RGS12: variants seen among roughly 807,000 people sequenced by gnomAD.
RGS12 encodes regulator of G protein signaling 12, also known as regulator of G-protein signaling 12.
A neutral mutation model predicts 120.1 loss-of-function variants in RGS12; 66 were observed. The observed-to-expected ratio is 0.55, with a 90% CI of 0.45 to 0.67. The LOEUF is 0.67. Among genes scored for constraint, RGS12 ranks in the 30% least tolerant of loss-of-function variants. The pLI, the probability that RGS12 is intolerant of heterozygous loss-of-function variation, is 0.00. For synonymous variants in RGS12, 827 were observed against 804.7 expected, an observed-to-expected ratio of 1.03 and a Z score of -0.47; for missense variants, 1,859 against 1,957.7, an observed-to-expected ratio of 0.95 and a Z score of 0.95.
intron 13 of RGS12, among the ~76,000 whole-genome samples, chr4:3,424,272 C>G (rs1723365560): frequency 2.0e-5 from 3 of 152,252 alleles, no homozygotes; most frequent in Non-Finnish European, 4.4e-5. Context: ...TCCTTGAAAA[C>G]TTTATTGGAG....
In RGS12 at chr4:3,343,068, A is replaced by C; in HGVS notation, c.1998+15A>C. On this transcript the variant is annotated intron_variant, in intron 3 of 17. Coordinates refer to ENST00000336727, the MANE Select transcript of RGS12 (RefSeq NM_001394154.1). Reference sequence around the variant, plus strand: ...ATGATCTTGAGGTAATTTAATTTTCATTTTTCTTCTTTTCTCCTTCAAGTT... The same window carrying C: ...ATGATCTTGAGGTAATTTAATTTTCCTTTTTCTTCTTTTCTCCTTCAAGTT... 1 of 1,571,150 alleles carries C rather than the reference A, an allele frequency of 6.4e-7. No homozygotes were observed. Among genetic ancestry groups the C allele is most frequent in the African/African-American group, 1.4e-5 (1 of 73,898 alleles).
intron 3 of RGS12, among the ~76,000 whole-genome samples, chr4:3,379,542 A>G (rs1560129902): frequency 1.3e-5 from 2 of 152,218 alleles, no homozygotes; most frequent in South Asian, 4.1e-4. Flanking sequence ...TCGTGCTGCT[A>G]TGAAGAAATA....
chr4:3,400,532 C>T (rs1316214500), intron 4 of RGS12, among the ~76,000 whole-genome samples: 1 of 151,768 alleles, frequency 6.6e-6, no homozygotes, highest in Non-Finnish European at 1.5e-5. Flanking sequence ...AATAGAATTA[C>T]TGATAAAAAG....
Position 3,327,302 on chromosome 4 carries a change from A to G in RGS12, c.1881+9251A>G, listed in dbSNP as rs1725614274. Among the ~76,000 whole-genome samples, 3 of 152,232 alleles carry G rather than the reference A, an allele frequency of 2.0e-5. No individual in the cohort carries two copies. In the South Asian group the frequency reaches 6.2e-4, roughly 31 times the overall value. ...CATACACAAAATCAACTCAAGCTGG[A>G]TTAAAGACTTAAACCTGAAACTATA... On this transcript the variant is annotated intron_variant, in intron 2 of 17. Transcript: ENST00000336727.
chr4:3,352,284 A>G (rs1422595728), intron 3 of RGS12, among the ~76,000 whole-genome samples: 2 of 152,184 alleles, frequency 1.3e-5, no homozygotes, highest in Non-Finnish European at 2.9e-5. Flanking sequence ...AAGAGCTTCT[A>G]ACAAAAAATG....
intron 17 of RGS12, among the ~76,000 whole-genome samples, chr4:3,438,228 A>G (rs900865204): frequency 6.6e-5 from 10 of 152,058 alleles, no homozygotes; most frequent in Non-Finnish European, 1.2e-4. Flanking sequence ...TGGCATGGAC[A>G]TGACTGTCTC....
At chr4:3,395,137 A>G (rs557407615) in intron 4 of RGS12, among the ~76,000 whole-genome samples, 76 of 152,064 alleles carry the variant, frequency 5.0e-4, no homozygotes, top group African/African-American at 1.8e-3. Flanking sequence ...AGGTTATAGT[A>G]GGCAGAGGTT....
upstream of RGS12, among the ~76,000 whole-genome samples, chr4:3,289,494 GTGCC>G (rs1560628803): frequency 6.6e-6 from 1 of 152,120 alleles, no homozygotes; most frequent in Non-Finnish European, 1.5e-5. Context: ...ATGAGCCACC[GTGCC>G]TGGCCTACAA....
chr4:3,337,702 G>A (rs928065430), intron 2 of RGS12, among the ~76,000 whole-genome samples: 1 of 152,148 alleles, frequency 6.6e-6, no homozygotes. Context: ...GAGGGGAATG[G>A]AGAGTGCGTG....
chr4:3,331,348 A>G (rs1345966334), intron 2 of RGS12, among the ~76,000 whole-genome samples: 4 of 152,216 alleles, frequency 2.6e-5, no homozygotes, highest in Non-Finnish European at 4.4e-5. Context: ...GGGAATTTTT[A>G]TCTTGTGTTG....
At chr4:3,309,677 TCCGCTGAGGGGAACCGTGCAGG>T (rs1724228908) in intron 1 of RGS12, among the ~76,000 whole-genome samples, 1 of 108,328 alleles carries the variant, frequency 9.2e-6, no homozygotes, top group Non-Finnish European at 1.9e-5. Context: ...ATGGCAGGTG[TCCGCTGAGGGGAACCGTGCAGG>T]GGAGGAGCTG....
intron 3 of RGS12, among the ~76,000 whole-genome samples, chr4:3,348,289 C>T (rs1200173618): frequency 6.6e-6 from 1 of 152,076 alleles, no homozygotes; most frequent in Non-Finnish European, 1.5e-5. Flanking sequence ...AACAAACAAC[C>T]CACTCAAAGC....
chr4:3,391,222 A>G (rs762975771), intron 4 of RGS12, among the ~76,000 whole-genome samples: 2 of 152,232 alleles, frequency 1.3e-5, no homozygotes, highest in Non-Finnish European at 2.9e-5. Flanking sequence ...AGGGTGTGGA[A>G]TACCGTATTA....
chr4:3,368,675 G>T (rs1716641182), intron 3 of RGS12, among the ~76,000 whole-genome samples: 1 of 101,582 alleles, frequency 9.8e-6, no homozygotes, highest in East Asian at 3.5e-4. Context: ...TGTAGGGGGG[G>T]TGCCTGTGTG....
chr4:3,317,496 C>A lies in RGS12; in HGVS notation c.1326C>A (p.Asp442Glu), dbSNP rs942809091. 1.9e-6 allele frequency: 3 copies of A among 1,613,370 alleles called. No homozygotes were observed. The African/African-American group carries it at 4.0e-5, about 22-fold the overall frequency. The stretch of plus-strand genomic sequence containing the variant: ...AGAGCAACCGGGTCCTTGTGGTGGA[C>A]CTGGGTGGGAGCTCGAGCAGACACG... ...EEKSNRVLVVDLGGSSSRHGP... is the reference protein window; with the variant it reads ...EEKSNRVLVVELGGSSSRHGP... Residue 442 changes from aspartate (D) to glutamate (E), a missense_variant, in exon 2 of 18, where the codon GAC becomes GAA. Asp to Glu is a conservative substitution (Grantham distance 45). Coordinates refer to ENST00000336727, the MANE Select transcript of RGS12 (RefSeq NM_001394154.1).
intron 3 of RGS12, among the ~76,000 whole-genome samples, chr4:3,343,551 C>T (rs1713472438): frequency 6.6e-6 from 1 of 152,114 alleles, no homozygotes. Flanking sequence ...GGGATCATTA[C>T]GTCCTGCATT....
chr4:3,350,241 A>T (rs1385807946), intron 3 of RGS12, among the ~76,000 whole-genome samples: 3 of 152,268 alleles, frequency 2.0e-5, no homozygotes, highest in African/African-American at 7.2e-5. Context: ...GTCTGGATTT[A>T]TACTTTTATA....
intron 5 of RGS12, 109 bp from the exon 6 acceptor site, chr4:3,414,643 C>T (rs1577072022): frequency 1.6e-5 from 13 of 796,508 alleles, no homozygotes; most frequent in East Asian, 9.7e-5. Flanking sequence ...TCCAGGCCCT[C>T]GGGCAGCTCA....
chr4:3,359,926 C>T (rs1040922668), intron 3 of RGS12, among the ~76,000 whole-genome samples: 1 of 152,000 alleles, frequency 6.6e-6, no homozygotes, highest in African/African-American at 2.4e-5. Flanking sequence ...CCTAGCCATA[C>T]TTTTACATTT....
Sources: gnomAD v4.1 joint callset for allele counts (sites outside exome capture counted in the v4.1 genomes callset) on GRCh38, gnomAD v4.1.1 for gene constraint, MANE v1.5 for transcripts, NCBI Gene and HGNC (gene_info 2026-07-23, HGNC 2026-07-21) for gene names.